KCNQ3: variants seen among roughly 807,000 people sequenced by gnomAD.
KCNQ3 encodes potassium voltage-gated channel subfamily KQT member 3.
Under a neutral mutation model 92.5 loss-of-function variants are expected in KCNQ3, and 30 were observed. That is an observed-to-expected ratio of 0.32 (90% CI 0.24 to 0.44). KCNQ3 has a LOEUF of 0.44. Among genes scored for constraint, KCNQ3 ranks in the 20% least tolerant of loss-of-function variants. The pLI is 1.00. For missense variants in KCNQ3, 913 were observed against 1,140.3 expected (o/e 0.80, Z 2.87); for synonymous variants, 450 against 468.8 (o/e 0.96, Z 0.52).
chr8:132,242,018 C>A (rs1815014434), intron 1 of KCNQ3, among the ~76,000 whole-genome samples: 1 of 98,960 alleles, frequency 1.0e-5, no homozygotes, highest in Non-Finnish European at 2.4e-5. Context: ...TGCTTAGGAA[C>A]TTATTCCTCT....
At chr8:132,156,762 T>A (rs1166599447) in intron 9 of KCNQ3, among the ~76,000 whole-genome samples, 3 of 152,174 alleles carry the variant, frequency 2.0e-5, no homozygotes, top group Non-Finnish European at 4.4e-5. Flanking sequence ...CTTGGGAACA[T>A]GACTTTATTT....
At chr8:132,347,704 G>A (rs992658194) in intron 1 of KCNQ3, among the ~76,000 whole-genome samples, 1 of 152,140 alleles carries the variant, frequency 6.6e-6, no homozygotes, top group African/African-American at 2.4e-5. Flanking sequence ...CCGGCCGGGC[G>A]CAGTGGCTCA....
chr8:132,352,437 G>A (rs1818901851), intron 1 of KCNQ3, among the ~76,000 whole-genome samples: 1 of 152,146 alleles, frequency 6.6e-6, no homozygotes, highest in African/African-American at 2.4e-5. Context: ...GGCCAGAAAT[G>A]TCAACAATGC....
At chr8:132,334,878 C>T (rs1400799504) in intron 1 of KCNQ3, among the ~76,000 whole-genome samples, 1 of 152,178 alleles carries the variant, frequency 6.6e-6, no homozygotes, top group Non-Finnish European at 1.5e-5. Context: ...TTGGGTCATA[C>T]AACAGCCCCC....
intron 1 of KCNQ3, among the ~76,000 whole-genome samples, chr8:132,326,391 A>G (rs534497235): frequency 3.9e-5 from 6 of 152,324 alleles, no homozygotes; most frequent in South Asian, 2.1e-4. Flanking sequence ...TTGAGTGTCC[A>G]TTGTGTGTTA....
chr8:132,364,604 A>G (rs2130728265), intron 1 of KCNQ3, among the ~76,000 whole-genome samples: 1 of 152,318 alleles, frequency 6.6e-6, no homozygotes, highest in South Asian at 2.1e-4. Context: ...CTCAGGACCT[A>G]GGACAGTTCC....
In KCNQ3 at chr8:132,212,267, A is replaced by G. The variant is rs548527739; in HGVS notation, c.387-26086T>C. Among the ~76,000 whole-genome samples, 3 of 152,226 alleles carry G rather than the reference A, an allele frequency of 2.0e-5. No homozygotes were observed. In the East Asian group the frequency reaches 5.8e-4, roughly 30 times the overall value. ...CTGCAATTCCTATGGCTTCAGACAA[A>G]AGGCCTTCACCACTGGCTTCAGCAC... On this transcript the variant is annotated intron_variant, in intron 1 of 14. Coordinates refer to ENST00000388996, the MANE Select transcript of KCNQ3 (RefSeq NM_004519.4).
At chr8:132,333,980 G>A (rs927267837) in intron 1 of KCNQ3, among the ~76,000 whole-genome samples, 2 of 151,364 alleles carry the variant, frequency 1.3e-5, no homozygotes, top group East Asian at 2.0e-4. Flanking sequence ...TGACCCTCCC[G>A]CCTCAGCCTC....
At chr8:132,416,128 C>CA (rs1291713115) in intron 1 of KCNQ3, among the ~76,000 whole-genome samples, 1 of 152,188 alleles carries the variant, frequency 6.6e-6, no homozygotes, top group African/African-American at 2.4e-5. Context: ...TTGAGGCACT[C>CA]ACGTTTGTTG....
At chr8:132,240,182 C>CTTTTTTTTT (rs11342824) in intron 1 of KCNQ3, among the ~76,000 whole-genome samples, 2 of 111,908 alleles carry the variant, frequency 1.8e-5, no homozygotes, top group Non-Finnish European at 3.5e-5. Context: ...TGCCATGATT[C>CTTTTTTTTT]TTTTTTTTTT....
At chr8:132,467,024 C>T (rs1284794317) in intron 1 of KCNQ3, among the ~76,000 whole-genome samples, 1 of 152,226 alleles carries the variant, frequency 6.6e-6, no homozygotes, top group Non-Finnish European at 1.5e-5. Flanking sequence ...CATCCCCACA[C>T]TCTGTTGGCC....
intron 1 of KCNQ3, among the ~76,000 whole-genome samples, chr8:132,442,674 C>CG (rs1563913857): frequency 6.6e-6 from 1 of 152,166 alleles, no homozygotes; most frequent in East Asian, 1.9e-4. Flanking sequence ...AGCTCCTACC[C>CG]GGGCCTTGGT....
chr8:132,423,245 G>A, intron 1 of KCNQ3, among the ~76,000 whole-genome samples: 1 of 152,154 alleles, frequency 6.6e-6, no homozygotes, highest in South Asian at 2.1e-4. Flanking sequence ...AGGACCAAAG[G>A]GAACCATTTC....
chr8:132,140,998 G>T, intron 10 of KCNQ3, 131 bp downstream of exon 10: 2 of 825,410 alleles, frequency 2.4e-6, no homozygotes, highest in Non-Finnish European at 4.1e-6. Context: ...AAGTTGGCTT[G>T]TCGAGGGAAG....
At chr8:132,296,786 T>C (rs1287125112) in intron 1 of KCNQ3, among the ~76,000 whole-genome samples, 2 of 152,064 alleles carry the variant, frequency 1.3e-5, no homozygotes, top group Non-Finnish European at 2.9e-5. Flanking sequence ...ATCCAGTCTA[T>C]CATTGTTGGA....
chr8:132,236,144 A>G (rs574926555), intron 1 of KCNQ3, among the ~76,000 whole-genome samples: 1 of 152,296 alleles, frequency 6.6e-6, no homozygotes, highest in African/African-American at 2.4e-5. Context: ...GTGGAGAGCT[A>G]TCTATTCTAC....
chr8:132,457,704 T>A (rs982317888), intron 1 of KCNQ3, among the ~76,000 whole-genome samples: 1 of 152,196 alleles, frequency 6.6e-6, no homozygotes, highest in Admixed American at 6.5e-5. Flanking sequence ...TGTGTACCAA[T>A]CTGCCTTTGT....
At chr8:132,294,024 G>C (rs1418529986) in intron 1 of KCNQ3, among the ~76,000 whole-genome samples, 1 of 129,328 alleles carries the variant, frequency 7.7e-6, no homozygotes, top group Admixed American at 8.2e-5. Flanking sequence ...TTTTTGAGAC[G>C]GAGTCTCGCT....
intron 1 of KCNQ3, among the ~76,000 whole-genome samples, chr8:132,351,557 C>T (rs762138795): frequency 3.2e-4 from 49 of 152,174 alleles, no homozygotes; most frequent in Non-Finnish European, 4.4e-4. Flanking sequence ...ATAGGTGTTC[C>T]CTCCTCCACA....
Sources: allele counts gnomAD v4.1 joint callset (sites outside exome capture counted in the v4.1 genomes callset), GRCh38; gene constraint gnomAD v4.1.1; transcripts MANE v1.5; gene names NCBI Gene and HGNC (gene_info 2026-07-23, HGNC 2026-07-21).